Variants in AKT1S1 observed in about 807,000 individuals in gnomAD.
The protein encoded by AKT1S1 is proline-rich AKT1 substrate 1.
Under a neutral mutation model 21.2 loss-of-function variants are expected in AKT1S1, and 17 were observed. The ratio of observed to expected loss-of-function variants is 0.80; its 90% CI spans 0.55 to 1.20. The LOEUF is 1.20. AKT1S1 is among the 50% of genes most tolerant of loss of function. The probability of loss-of-function intolerance (pLI) is 0.00; values close to 1 mark genes in which losing one functional copy is unlikely to be tolerated. For synonymous variants in AKT1S1, 181 were observed against 165.6 expected (o/e 1.09, Z -0.72); for missense variants, 366 against 368.3 (o/e 0.99, Z 0.05).
At chr19:49,872,017 TCC>T in intron 2 of AKT1S1, 128 bp from the exon 3 acceptor site, 1 of 1,023,994 alleles carries the variant, frequency 9.8e-7, no homozygotes, top group South Asian at 1.4e-5. Flanking sequence ...GAGACCCATT[TCC>T]TTCACCTCAA....
At chr19:49,876,552 G>A in intron 1 of AKT1S1, 1 of 1,475,082 alleles carries the variant, frequency 6.8e-7, no homozygotes, top group Non-Finnish European at 9.0e-7. Flanking sequence ...CGCTGCCTCA[G>A]GACGGCCAAA....
At chr19:49,875,942 T>C (rs773551043) in intron 1 of AKT1S1, 3 of 985,232 alleles carry the variant, frequency 3.0e-6, no homozygotes, top group Non-Finnish European at 3.6e-6. Context: ...CCCGCCCCGA[T>C]AGACGAGTTT....
In AKT1S1 at chr19:49,869,858, G is replaced by C. The variant is rs1039718309; in HGVS notation, c.*59C>G. ...CTCAGATTAGCAGGCCCCGGGAGTG[G>C]GGCGGGGGCGTAGTGTGGGACGGGG... On this transcript the variant is annotated 3_prime_UTR_variant, in exon 5 of 5. Transcript: ENST00000344175. 9 of 1,393,030 alleles carry C rather than the reference G, an allele frequency of 6.5e-6. No individual in the cohort carries two copies. Among genetic ancestry groups the C allele is most frequent in the East Asian group, 3.0e-5 (1 of 33,570 alleles). The allele number at this position is 1,393,030 out of a possible 1,614,324, so 86.3% of individuals were successfully genotyped here.
chr19:49,878,088 C>G, upstream of AKT1S1: 2 of 1,456,812 alleles, frequency 1.4e-6, no homozygotes, highest in Non-Finnish European at 1.9e-6. Flanking sequence ...CTATTGGCTC[C>G]CCAGGCTGGT....
At position 49,873,231 on chromosome 19, in the gene AKT1S1, G is replaced by A; in HGVS notation, c.65C>T (p.Ala22Val). 1.3e-6 allele frequency: 2 copies of A among 1,536,938 alleles called. No homozygotes were observed. The highest frequency in any genetic ancestry group is 1.7e-6 in the Non-Finnish European group (2 of 1,151,504). ...CAGCACCAGCTCCGTGCCAGTCCGG[G>A]CCCGGAAGCGCTCAGCGGCCCCCAC... ...AVVGAAERFR[A>V]RTGTELVLLT... The change falls in exon 2 of 5, where the codon GCC becomes GTC. Residue 22 changes from alanine to valine, a missense_variant. Ala to Val is a moderately conservative substitution (Grantham distance 64). Transcript: ENST00000344175. This position sits in a 1 kb window ranked among gnomAD's most constrained non-coding sequence, Gnocchi z 6.9.
intron 1 of AKT1S1, chr19:49,875,899 T>C (rs1419887484): frequency 1.0e-6 from 1 of 985,290 alleles, no homozygotes; most frequent in Admixed American, 6.1e-5. Flanking sequence ...GGAGGTCCTG[T>C]TTCCTCCAAG....
Position 49,869,695 on chromosome 19 carries a change from G to C in AKT1S1, c.*222C>G, listed in dbSNP as rs2074859992. 1 of 462,624 alleles carries C rather than the reference G, an allele frequency of 2.2e-6. No homozygotes were observed. The highest frequency in any genetic ancestry group is 3.7e-6 in the Non-Finnish European group (1 of 267,546). 28.7% of individuals were successfully genotyped at this position (462,624 alleles called of 1,614,324 possible). A position where few individuals can be genotyped will look rare whatever the true frequency, so the allele number is the denominator to read the frequency against. On this transcript the variant is annotated 3_prime_UTR_variant, in exon 5 of 5. Transcript: ENST00000344175. The stretch of plus-strand genomic sequence containing the variant: ...AGGAATCTGTCGCTAGGCGGAGAGA[G>C]ACGACAGACCCAATCGGGAAACGGG...
upstream of AKT1S1, chr19:49,878,066 C>G: frequency 7.9e-7 from 1 of 1,258,264 alleles, no homozygotes; most frequent in Non-Finnish European, 1.1e-6. Context: ...TGGCTCCTCC[C>G]TGGGCCCGTC....
chr19:49,877,571 C>A, upstream of AKT1S1: 1 of 716,564 alleles, frequency 1.4e-6, no homozygotes, highest in Non-Finnish European at 2.3e-6. Context: ...GTGGAATAAC[C>A]CCCTTCTGAA....
rs201965042 is a variant in AKT1S1 at position 49,873,131 on chromosome 19, C to T, written c.165G>A (p.Ala55=). ...AYAAHGRGAL[A]EAARRCLHDI... ...CGTGGAGGCAACGGCGCGCTGCCTCCGCCAGGGCTCCTCGACCATGGGCAG... is the reference window on the plus strand; with the variant it reads ...CGTGGAGGCAACGGCGCGCTGCCTCTGCCAGGGCTCCTCGACCATGGGCAG... The change falls in exon 2 of 5, where the codon GCG becomes GCA. Residue 55 remains alanine (A), a synonymous_variant. Transcript: ENST00000344175. This position sits in a 1 kb window ranked among gnomAD's most constrained non-coding sequence, Gnocchi z 6.9. The T allele has an allele frequency of 8.0e-4, 1,237 of 1,540,910 alleles. 9 individuals carry two copies. In the African/African-American group the frequency reaches 0.014, roughly 17 times the overall value.
At chr19:49,878,214 C>T (rs771447717), upstream of AKT1S1, 13 of 1,562,946 alleles carry the variant, frequency 8.3e-6, no homozygotes, top group African/African-American at 2.7e-5. Flanking sequence ...ACTCTCTCAT[C>T]GCTGGTGTCA....
At position 49,873,530 on chromosome 19, in the gene AKT1S1, C is replaced by T. The variant is rs2074909668; in HGVS notation, c.-7-228G>A. ...CCTCTGCCCCAACCCATTCCTCCTG[C>T]CCCAAGTCACTGTACTCCTTCCCCT... On this transcript the variant is annotated intron_variant, in intron 1 of 4. Transcript: ENST00000344175. The surrounding 1 kb of genome is among the most constrained non-coding windows in gnomAD (Gnocchi z 6.9). 4 of 753,494 alleles carry T rather than the reference C, an allele frequency of 5.3e-6. No individual in the cohort carries two copies. In the South Asian group the frequency reaches 7.8e-5, roughly 15 times the overall value. 46.7% of individuals were successfully genotyped at this position (753,494 alleles called of 1,614,324 possible). A position where few individuals can be genotyped will look rare whatever the true frequency, so the allele number is the denominator to read the frequency against.
At chr19:49,875,767 G>T (rs1276771232) in intron 1 of AKT1S1, 9 of 836,594 alleles carry the variant, frequency 1.1e-5, no homozygotes, top group Non-Finnish European at 1.3e-5. Flanking sequence ...CAGGAGACAT[G>T]AGCAAAAAGG....
chr19:49,875,949 G>A (rs1054709145), intron 1 of AKT1S1: 1 of 985,450 alleles, frequency 1.0e-6, no homozygotes, highest in South Asian at 4.7e-5. Context: ...CGATAGACGA[G>A]TTTCGTGTAA....
chr19:49,876,300 G>A (rs559320101), intron 1 of AKT1S1: 2 of 1,193,638 alleles, frequency 1.7e-6, no homozygotes, highest in South Asian at 4.1e-5. Flanking sequence ...GACGGGTGAG[G>A]GGCGCCCCGA....
chr19:49,876,715 C>T (rs893446247), intron 1 of AKT1S1: 110 of 1,409,800 alleles, frequency 7.8e-5, no homozygotes, highest in Non-Finnish European at 9.7e-5. Flanking sequence ...CACTCCGCCT[C>T]CCTTATCGGG....
chr19:49,877,964 G>A, upstream of AKT1S1: 2 of 719,796 alleles, frequency 2.8e-6, no homozygotes, highest in Non-Finnish European at 4.5e-6. Flanking sequence ...CCTGCCCCCT[G>A]TGGAACGCAC....
intron 2 of AKT1S1, among the ~76,000 whole-genome samples, chr19:49,872,695 A>C (rs2074897305): frequency 6.6e-6 from 1 of 151,756 alleles, no homozygotes; most frequent in Non-Finnish European, 1.5e-5. Context: ...TGTGCCCACC[A>C]CTCCCAGCAC....
chr19:49,875,442 A>C (rs561041589), intron 1 of AKT1S1, among the ~76,000 whole-genome samples: 3 of 152,148 alleles, frequency 2.0e-5, no homozygotes, highest in African/African-American at 7.2e-5. Flanking sequence ...GAAACTGCTG[A>C]CTGCCCAGCC....
Sources: allele counts gnomAD v4.1 joint callset (sites outside exome capture counted in the v4.1 genomes callset), GRCh38; gene constraint gnomAD v4.1.1; non-coding constraint Gnocchi (gnomAD v3.1); transcripts MANE v1.5; gene names NCBI Gene and HGNC (gene_info 2026-07-23, HGNC 2026-07-21).